Variants in LRRK1 observed in about 807,000 individuals in gnomAD.
LRRK1 encodes the protein leucine rich repeat kinase 1.
A neutral mutation model predicts 209.1 loss-of-function variants in LRRK1; 113 were observed. The ratio of observed to expected loss-of-function variants is 0.54; its 90% confidence interval spans 0.46 to 0.63. The LOEUF (loss-of-function observed/expected upper bound fraction) is 0.63, where lower values mean the gene tolerates loss of function less well. Among genes scored for constraint, LRRK1 ranks in the 30% least tolerant of loss-of-function variants. The pLI, the probability that LRRK1 is intolerant of heterozygous loss-of-function variation, is 0.00. For missense variants in LRRK1, 2,284 were observed against 2,632.2 expected (o/e 0.87, Z 2.89); for synonymous variants, 1,144 against 1,099.7 (o/e 1.04, Z -0.80).
chr15:101,033,829 G>T (rs542715380), intron 20 of LRRK1, among the ~76,000 whole-genome samples: 6 of 152,258 alleles, frequency 3.9e-5, no homozygotes, highest in African/African-American at 1.2e-4. Context: ...TTAGTTGTTT[G>T]AGAAATCGCC....
At chr15:100,948,151 C>G (rs183070753) in intron 2 of LRRK1, among the ~76,000 whole-genome samples, 8 of 152,326 alleles carry the variant, frequency 5.3e-5, no homozygotes, top group African/African-American at 1.7e-4. Flanking sequence ...GGTGCTACCC[C>G]CAAAGCCAGC....
chr15:100,954,029 C>T (rs113005240), intron 2 of LRRK1, among the ~76,000 whole-genome samples: 3,745 of 152,202 alleles, frequency 0.025, 182 homozygotes, highest in African/African-American at 0.083. Context: ...AATTCTTCTG[C>T]CTCAGCCTCA....
rs576166476 is a variant in LRRK1 at position 101,011,324 on chromosome 15, A to AT, written c.1281+487_1281+488insT. On this transcript the variant is annotated intron_variant, in intron 9 of 33. Coordinates refer to ENST00000388948, the MANE Select transcript of LRRK1 (RefSeq NM_024652.6). ...TCTACTAAAATTAAAAAAAAAAAAA[A>AT]AATAAGCTGGGCGTGGTGGCACGTG... Among the ~76,000 whole-genome samples, 1,081 of 151,798 alleles carry AT rather than the reference A, an allele frequency of 7.1e-3. 15 individuals are homozygous for AT. Among genetic ancestry groups the AT allele is most frequent in the African/African-American group, 0.025 (1,039 of 41,406 alleles).
At chr15:101,020,846 G>A (rs1044854934) in intron 12 of LRRK1, among the ~76,000 whole-genome samples, 4 of 152,218 alleles carry the variant, frequency 2.6e-5, no homozygotes, top group African/African-American at 9.6e-5. Flanking sequence ...GCCACTGAGT[G>A]TCCTCATTCT....
rs982978435 is a variant in LRRK1 at position 101,013,491 on chromosome 15, G to A, written c.1420-825G>A. ...GACCTGGGCACGGCGACTCAGAACC[G>A]TACTCCCAGCACTTTGCGAGGCCAA... On this transcript the variant is annotated intron_variant, in intron 10 of 33. Transcript: ENST00000388948. 9.2e-5 allele frequency among the ~76,000 whole-genome samples: 14 copies of A among 152,202 alleles called. No homozygotes were observed. In the East Asian group the frequency reaches 9.7e-4, roughly 11 times the overall value.
intron 6 of LRRK1, among the ~76,000 whole-genome samples, chr15:100,997,080 T>C (rs1258904280): frequency 7.8e-6 from 1 of 128,356 alleles, no homozygotes; most frequent in African/African-American, 3.0e-5. Context: ...ATTAATATAA[T>C]CATATCTATA....
rs780760723 is a variant in LRRK1 at position 101,058,058 on chromosome 15, G to A, written c.4596G>A (p.Leu1532=). 2.7e-5 allele frequency: 44 copies of A among 1,614,066 alleles called. No homozygotes were observed. In the South Asian group the frequency reaches 3.3e-4, roughly 12 times the overall value. The change falls in exon 29 of 34, where the codon CTG becomes CTA. Residue 1532 remains leucine (L), a synonymous_variant. Transcript: ENST00000388948. The stretch of plus-strand genomic sequence containing the variant: ...CTTTTGCCACCTTCATGTATGAACT[G>A]TGCTGTGGGAAGCAGACAGCCTTCT... ...DPTFATFMYE[L]CCGKQTAFFS...
chr15:101,036,584 T>A (rs1489822163), intron 20 of LRRK1, among the ~76,000 whole-genome samples: 1 of 152,240 alleles, frequency 6.6e-6, no homozygotes, highest in African/African-American at 2.4e-5. Flanking sequence ...TCAGAATTTT[T>A]AATTATTTTT....
In LRRK1 at chr15:100,941,420, G is replaced by GTC. The variant is rs1567191030; in HGVS notation, c.97+16692_97+16693insCT. 2.4e-3 allele frequency among the ~76,000 whole-genome samples: 37 copies of GTC among 15,276 alleles called. 6 individuals carry two copies. The highest frequency in any genetic ancestry group is 4.7e-3 in the African/African-American group (31 of 6,546). 10.0% of individuals were successfully genotyped at this position (15,276 alleles called of 152,430 possible). The stretch of plus-strand genomic sequence containing the variant: ...TGTGTCTGTGTGTGTCTCTGTGTGT[G>GTC]TGTGTGTCTGTGTGTGTGTGTGTGT... On this transcript the variant is annotated intron_variant, in intron 2 of 33. Coordinates refer to ENST00000388948, the MANE Select transcript of LRRK1 (RefSeq NM_024652.6).
intron 16 of LRRK1, 95 bp downstream of exon 16, chr15:101,025,062 G>A (rs1326404306): frequency 5.5e-6 from 7 of 1,284,160 alleles, no homozygotes; most frequent in Non-Finnish European, 7.4e-6. Flanking sequence ...GAGAAAAAAA[G>A]GGGGTTATGT....
chr15:100,931,949 A>G (rs1014755748), intron 2 of LRRK1, among the ~76,000 whole-genome samples: 2 of 152,048 alleles, frequency 1.3e-5, no homozygotes, highest in South Asian at 2.1e-4. Flanking sequence ...CATCATGCCC[A>G]TGGGTAATCA....
rs1251572799 is a variant in LRRK1 at position 101,066,015 on chromosome 15, C to T, written c.5578C>T (p.Pro1860Ser). ...GGCTGCCAGGTCCCCCTCAAGCCTC[C>T]CCAGCTCCCCAGCAAGTTCTTCCAG... is the stretch of plus-strand genomic sequence containing the variant. The part of the protein sequence containing the change: ...RQAARSPSSL[P>S]SSPASSSSVP... Residue 1860 changes from proline to serine, a missense_variant, in exon 32 of 34, where the codon CCC becomes TCC. By Grantham distance (74) the Pro-to-Ser change is moderately conservative (BLOSUM62 -1). Around this residue, in one of 6 missense-constraint regions of LRRK1, gnomAD observed 643 missense variants for 695.9 expected, o/e 0.92. Transcript: ENST00000388948. 1.9e-6 allele frequency: 3 copies of T among 1,613,982 alleles called. No individual in the cohort carries two copies. Among genetic ancestry groups the T allele is most frequent in the Middle Eastern group, 1.6e-4 (1 of 6,084 alleles).
intron 6 of LRRK1, among the ~76,000 whole-genome samples, chr15:100,992,883 A>G (rs529320195): frequency 6.6e-6 from 1 of 152,250 alleles, no homozygotes; most frequent in South Asian, 2.1e-4. Flanking sequence ...TGGTCAGGCT[A>G]GTCTTGACCT....
chr15:101,045,020 A>G (rs1055785554), intron 20 of LRRK1, among the ~76,000 whole-genome samples: 5 of 152,326 alleles, frequency 3.3e-5, no homozygotes, highest in African/African-American at 9.6e-5. Flanking sequence ...TCATCTGCAC[A>G]GCCCCCGTCT....
At chr15:100,954,034 G>A (rs1596192731) in intron 2 of LRRK1, among the ~76,000 whole-genome samples, 1 of 152,204 alleles carries the variant, frequency 6.6e-6, no homozygotes, top group East Asian at 1.9e-4. Flanking sequence ...TTCTGCCTCA[G>A]CCTCACCAGT....
At chr15:101,007,623 TA>T (rs2033022258) in intron 6 of LRRK1, among the ~76,000 whole-genome samples, 1 of 152,072 alleles carries the variant, frequency 6.6e-6, no homozygotes, top group Non-Finnish European at 1.5e-5. Flanking sequence ...GGGAGCTTTC[TA>T]GTGGGACAAA....
intron 6 of LRRK1, among the ~76,000 whole-genome samples, chr15:101,005,412 T>A (rs2032896517): frequency 6.6e-6 from 1 of 151,954 alleles, no homozygotes; most frequent in Admixed American, 6.6e-5. Context: ...GATAATGGAA[T>A]GAAGAGTGAT....
At chr15:100,941,464 C>CTGTGTGTGTCTGTGTGTGTG (rs2042432624) in intron 2 of LRRK1, among the ~76,000 whole-genome samples, 11 of 88,828 alleles carry the variant, frequency 1.2e-4, no homozygotes, top group African/African-American at 4.6e-4. Context: ...GTCTATGTCT[C>CTGTGTGTGTCTGTGTGTGTG]TGTGTGTGTG....
chr15:101,010,322 T>C (rs2033170866), intron 7 of LRRK1, 128 bp from the exon 8 acceptor site: 2 of 957,646 alleles, frequency 2.1e-6, no homozygotes, highest in African/African-American at 1.7e-5. Context: ...ACATTTTCAA[T>C]GCACACTCTT....
Sources: allele counts gnomAD v4.1 joint callset (sites outside exome capture counted in the v4.1 genomes callset), GRCh38; gene constraint gnomAD v4.1.1; regional missense constraint gnomAD v4.1.1; transcripts MANE v1.5; gene names NCBI Gene and HGNC (gene_info 2026-07-23, HGNC 2026-07-21).